Variants in CWF19L2 observed in about 807,000 individuals in gnomAD.
The protein encoded by CWF19L2 is CWF19 like cell cycle control factor 2.
A neutral mutation model predicts 111.7 loss-of-function variants in CWF19L2; 98 were observed. The ratio of observed to expected loss-of-function variants is 0.88; its 90% CI spans 0.75 to 1.04. CWF19L2 has a LOEUF of 1.04. Among genes scored for constraint, CWF19L2 ranks in the 50% least tolerant of loss-of-function variants. CWF19L2 has a pLI of 0.00. For missense variants in CWF19L2, 1,101 were observed against 1,051.4 expected (o/e 1.05, Z -0.65); for synonymous variants, 351 against 342.9 (o/e 1.02, Z -0.26).
intron 17 of CWF19L2, among the ~76,000 whole-genome samples, chr11:107,329,007 C>T (rs1859804077): frequency 6.6e-6 from 1 of 152,180 alleles, no homozygotes; most frequent in Admixed American, 6.6e-5. Flanking sequence ...TATTTCTACT[C>T]ATTGCAGAAG....
rs772257590 is a variant in CWF19L2, at chr11:107,454,501, CTTTT to C, written c.284_287del (p.Lys95ArgfsTer41). On this transcript the variant is annotated frameshift_variant, in exon 3 of 18. Coordinates refer to ENST00000282251, the MANE Select transcript of CWF19L2 (RefSeq NM_152434.3). LOFTEE classifies it high-confidence loss of function. ...TTTTTTCATATTTCTGTTTCTTGCT[CTTTT>C]TTTTCTTTTCTTTCTTTGCTTTTTT... 4.8e-6 allele frequency: 7 copies of C among 1,471,278 alleles called. No homozygotes were observed. The South Asian group carries it at 5.8e-5, about 12-fold the overall frequency. 91.1% of individuals were successfully genotyped at this position (1,471,278 alleles called of 1,614,324 possible). A position where few individuals can be genotyped will look rare whatever the true frequency, so the allele number is the denominator to read the frequency against.
chr11:107,356,216 T>C (rs964821448), intron 12 of CWF19L2, among the ~76,000 whole-genome samples: 4 of 152,106 alleles, frequency 2.6e-5, no homozygotes, highest in African/African-American at 9.7e-5. Flanking sequence ...CATATCAGAA[T>C]TTGTGGTATG....
At chr11:107,339,676 T>A (rs945236606) in intron 14 of CWF19L2, among the ~76,000 whole-genome samples, 1 of 149,990 alleles carries the variant, frequency 6.7e-6, no homozygotes, top group African/African-American at 2.5e-5. Flanking sequence ...TTTTTTTTTT[T>A]TTTTTTTGAG....
chr11:107,381,192 A>C (rs752294869), intron 12 of CWF19L2, among the ~76,000 whole-genome samples: 4 of 152,192 alleles, frequency 2.6e-5, no homozygotes, highest in Admixed American at 6.5e-5. Context: ...ATTAATACTT[A>C]ATGCCACTGA....
chr11:107,368,113 G>A (rs1156957791), intron 12 of CWF19L2, among the ~76,000 whole-genome samples: 1 of 47,474 alleles, frequency 2.1e-5, no homozygotes, highest in Non-Finnish European at 4.0e-5. Flanking sequence ...AGAATAAATT[G>A]AGACCCCCCC....
At chr11:107,417,882 C>A (rs1861249815) in intron 9 of CWF19L2, among the ~76,000 whole-genome samples, 1 of 152,044 alleles carries the variant, frequency 6.6e-6, no homozygotes, top group African/African-American at 2.4e-5. Context: ...GCCTCAGCCA[C>A]CCCGATAGCT....
At chr11:107,332,556 A>G (rs1264993610) in intron 16 of CWF19L2, among the ~76,000 whole-genome samples, 1 of 151,820 alleles carries the variant, frequency 6.6e-6, no homozygotes, top group Non-Finnish European at 1.5e-5. Flanking sequence ...GTGAAAAAAA[A>G]AAACCACCCC....
At chr11:107,453,429 G>A (rs1361085028) in intron 3 of CWF19L2, among the ~76,000 whole-genome samples, 2 of 151,980 alleles carry the variant, frequency 1.3e-5, no homozygotes, top group Non-Finnish European at 2.9e-5. Context: ...CTTGAGGAGA[G>A]GAGAGAGAAG....
At chr11:107,386,376 C>T (rs927111246) in intron 12 of CWF19L2, among the ~76,000 whole-genome samples, 2 of 152,152 alleles carry the variant, frequency 1.3e-5, no homozygotes, top group African/African-American at 4.8e-5. Flanking sequence ...TGCCTTTCCT[C>T]CTTATATAAT....
chr11:107,367,762 G>A (rs1258162905), intron 12 of CWF19L2, among the ~76,000 whole-genome samples: 1 of 132,530 alleles, frequency 7.5e-6, no homozygotes, highest in Non-Finnish European at 1.6e-5. Context: ...TACCAGCATG[G>A]CACATGTATA....
In CWF19L2 at chr11:107,329,480, C is replaced by T. The variant is rs1324755453; in HGVS notation, c.2541+438G>A. On this transcript the variant is annotated intron_variant, in intron 17 of 17. Transcript: ENST00000282251. ...AGTTCTACCACTTATTAGCGCATTA[C>T]CCTGGGCAAGTTACCTAATCTCTCT... Among the ~76,000 whole-genome samples, 5 of 152,234 alleles carry T rather than the reference C, an allele frequency of 3.3e-5. No individual in the cohort carries two copies. The East Asian group carries it at 7.7e-4, about 24-fold the overall frequency.
At chr11:107,451,568 A>G (rs1861778877) in intron 3 of CWF19L2, among the ~76,000 whole-genome samples, 1 of 152,192 alleles carries the variant, frequency 6.6e-6, no homozygotes, top group South Asian at 2.1e-4. Context: ...GGAAACAAAC[A>G]GAAAATAGAA....
intron 12 of CWF19L2, among the ~76,000 whole-genome samples, chr11:107,354,090 G>A (rs1447706546): frequency 1.4e-5 from 2 of 147,680 alleles, no homozygotes; most frequent in African/African-American, 2.5e-5. Context: ...ACACTATATA[G>A]AATGTGGAAC....
chr11:107,436,752 A>C (rs551925001), intron 6 of CWF19L2, among the ~76,000 whole-genome samples: 1 of 152,332 alleles, frequency 6.6e-6, no homozygotes, highest in South Asian at 2.1e-4. Context: ...CTTCCACTAA[A>C]GAATCTAGAG....
At chr11:107,343,697 GATTT>G (rs926197963) in intron 14 of CWF19L2, among the ~76,000 whole-genome samples, 1 of 151,658 alleles carries the variant, frequency 6.6e-6, no homozygotes, top group Non-Finnish European at 1.5e-5. Context: ...ATTCCATTTT[GATTT>G]ATTTAGTGTT....
Position 107,403,335 on chromosome 11 carries a change from T to A in CWF19L2, c.1618-10440A>T, listed in dbSNP as rs534460203. The A allele has an allele frequency of 3.2e-4, 172 of 536,432 alleles. 1 individual carries two copies. The highest frequency in any genetic ancestry group is 3.0e-3 in the Middle Eastern group (7 of 2,308). 33.2% of individuals were successfully genotyped at this position (536,432 alleles called of 1,614,324 possible). On this transcript the variant is annotated intron_variant, in intron 10 of 17. Transcript: ENST00000282251. ...TCATTTACCCTAACAGGTATTTTTT[T>A]AAAAAACCAAAAAACTTTTTTTCAT... is the stretch of plus-strand genomic sequence containing the variant.
Position 107,350,541 on chromosome 11 carries a change from A to G in CWF19L2, c.2086-1488T>C, listed in dbSNP as rs938413190. Among the ~76,000 whole-genome samples the G allele has an allele frequency of 2.0e-5, 3 of 152,156 alleles. No homozygotes were observed. The East Asian group carries it at 5.8e-4, about 29-fold the overall frequency. On this transcript the variant is annotated intron_variant, in intron 13 of 17. Coordinates refer to ENST00000282251, the MANE Select transcript of CWF19L2 (RefSeq NM_152434.3). ...TCTGTGAACCAGGATGTGGGACCTC[A>G]CACTGAATCTGCTAGCACCGATCTT...
chr11:107,407,268 G>C (rs1861092522), intron 10 of CWF19L2, among the ~76,000 whole-genome samples: 2 of 151,796 alleles, frequency 1.3e-5, no homozygotes. Context: ...TCTACAATAT[G>C]GTTAATTTTA....
intron 15 of CWF19L2, among the ~76,000 whole-genome samples, chr11:107,335,885 T>C (rs1859915965): frequency 6.6e-6 from 1 of 152,178 alleles, no homozygotes. Flanking sequence ...GACACTGTAA[T>C]ATAGCACATT....
Sources: allele counts gnomAD v4.1 joint callset (sites outside exome capture counted in the v4.1 genomes callset), GRCh38; gene constraint gnomAD v4.1.1; transcripts MANE v1.5; gene names NCBI Gene and HGNC (gene_info 2026-07-23, HGNC 2026-07-21).